The following ZNF667 variants were observed in gnomAD, a reference collection of about 807,000 sequenced individuals.
The protein encoded by ZNF667 is zinc finger protein 667, also known as myocardial ischemic preconditioning upregulated 1 ortholog.
A neutral mutation model predicts 31.8 loss-of-function variants in ZNF667; 13 were observed. The observed-to-expected ratio is 0.41, with a 90% CI of 0.27 to 0.65. ZNF667 has a LOEUF of 0.65. Ranked by LOEUF, ZNF667 falls within the 30% of genes least tolerant of loss-of-function variation. The probability of loss-of-function intolerance (pLI) is 0.32; values close to 1 mark genes in which losing one functional copy is unlikely to be tolerated. For synonymous variants in ZNF667, 228 were observed against 247.1 expected (o/e 0.92, Z 0.73); for missense variants, 642 against 725.6 (o/e 0.88, Z 1.32).
Position 56,460,820 on chromosome 19 carries a change from A to C in ZNF667, c.34-5T>G, listed in dbSNP as rs2043030581. 6.3e-7 allele frequency: 1 copy of C among 1,585,402 alleles called. No homozygotes were observed. Among genetic ancestry groups the C allele is most frequent in the African/African-American group, 1.4e-5 (1 of 73,562 alleles). On this transcript the variant is annotated splice_region_variant and splice_polypyrimidine_tract_variant and intron_variant, in intron 4 of 6. Coordinates refer to ENST00000504904, the MANE Select transcript of ZNF667 (RefSeq NM_001321356.2). ...GTCCCCAAATGTTATAGGTGCCTGA[A>C]ATGAAAAATCAAATGTCTATTCACC...
At chr19:56,455,647 G>T (rs952096615) in intron 6 of ZNF667, among the ~76,000 whole-genome samples, 1 of 152,078 alleles carries the variant, frequency 6.6e-6, no homozygotes, top group Non-Finnish European at 1.5e-5. Flanking sequence ...AAAAGGAGAT[G>T]GTTAGTGGGT....
intron 5 of ZNF667, among the ~76,000 whole-genome samples, chr19:56,459,833 A>C (rs532035261): frequency 1.3e-5 from 2 of 152,198 alleles, no homozygotes; most frequent in South Asian, 4.2e-4. Context: ...CTCTACTAAA[A>C]TACAAAAAAT....
At position 56,472,015 on chromosome 19, in the gene ZNF667, A is replaced by T. The variant is rs1268202230; in HGVS notation, c.-376T>A. 1 of 152,202 alleles carries T rather than the reference A, an allele frequency of 6.6e-6. No individual in the cohort carries two copies. Among genetic ancestry groups the T allele is most frequent in the African/African-American group, 2.4e-5 (1 of 41,428 alleles). 9.4% of individuals were successfully genotyped at this position (152,202 alleles called of 1,614,324 possible). ...CTCATGTGATCTGATGGTTCTGTAC[A>T]GGGACTCTCATTCTCCCTGTGGCCA... is the stretch of plus-strand genomic sequence containing the variant. On this transcript the variant is annotated 5_prime_UTR_variant, in exon 3 of 7. Transcript: ENST00000504904.
chr19:56,475,512 A>AT lies in ZNF667; in HGVS notation c.-661-1389dup, dbSNP rs948014478. 2.4e-4 allele frequency: 36 copies of AT among 150,690 alleles called. 1 individual carries two copies. The South Asian group carries it at 5.5e-3, about 23-fold the overall frequency. 9.3% of individuals were successfully genotyped at this position (150,690 alleles called of 1,614,324 possible). Reference sequence around the variant, plus strand: ...GGGACATCTGACAGTGTCTGGAGACATTTTTTTTTCGCTTGTCACAACCCA... The same window carrying AT: ...GGGACATCTGACAGTGTCTGGAGACATTTTTTTTTTCGCTTGTCACAACCCA... On this transcript the variant is annotated intron_variant, in intron 1 of 6. Coordinates refer to ENST00000504904, the MANE Select transcript of ZNF667 (RefSeq NM_001321356.2).
intron 6 of ZNF667, chr19:56,449,232 C>A: frequency 4.8e-6 from 2 of 416,394 alleles, no homozygotes; most frequent in South Asian, 3.6e-5. Flanking sequence ...AGAATAAATA[C>A]CTAATTCATC....
chr19:56,446,839 T>A (rs1050728240), intron 6 of ZNF667, among the ~76,000 whole-genome samples: 4 of 152,134 alleles, frequency 2.6e-5, no homozygotes, highest in Non-Finnish European at 5.9e-5. Context: ...TTAAGTCACA[T>A]CAGTTAAGCT....
chr19:56,472,324 C>T (rs961835901), intron 2 of ZNF667, 137 bp from the exon 3 acceptor site: 3 of 152,226 alleles, frequency 2.0e-5, no homozygotes, highest in Non-Finnish European at 2.9e-5. Context: ...ACCTACCTCA[C>T]CTCTGCTGTT....
chr19:56,467,192 TG>T, intron 3 of ZNF667: 1 of 356,782 alleles, frequency 2.8e-6, no homozygotes, highest in Non-Finnish European at 5.7e-6. Flanking sequence ...TGCCTGGGAA[TG>T]GGGTGGGGGG....
intron 5 of ZNF667, among the ~76,000 whole-genome samples, chr19:56,458,761 C>G (rs958275274): frequency 6.6e-6 from 1 of 152,194 alleles, no homozygotes; most frequent in African/African-American, 2.4e-5. Context: ...GGTGCATGCT[C>G]TGTGTCCCTC....
chr19:56,450,644 C>CA (rs936461900), intron 6 of ZNF667, among the ~76,000 whole-genome samples: 4 of 151,636 alleles, frequency 2.6e-5, no homozygotes, highest in African/African-American at 4.8e-5. Flanking sequence ...GACGGACTGA[C>CA]AAAAAAACGG....
At chr19:56,466,826 T>C (rs888020688) in intron 3 of ZNF667, among the ~76,000 whole-genome samples, 4 of 152,218 alleles carry the variant, frequency 2.6e-5, no homozygotes, top group East Asian at 1.9e-4. Flanking sequence ...TGGTCATTGA[T>C]AGCACAAACA....
At chr19:56,464,385 T>G (rs1474384054) in intron 3 of ZNF667, among the ~76,000 whole-genome samples, 1 of 152,046 alleles carries the variant, frequency 6.6e-6, no homozygotes, top group Non-Finnish European at 1.5e-5. Flanking sequence ...TCCTAGCTAC[T>G]TGGGAGGCTG....
intron 6 of ZNF667, among the ~76,000 whole-genome samples, chr19:56,457,693 A>G (rs1277287005): frequency 1.3e-5 from 2 of 152,172 alleles, no homozygotes; most frequent in Non-Finnish European, 2.9e-5. Flanking sequence ...GCACACAAAT[A>G]ATCTCTTAAA....
Position 56,442,271 on chromosome 19 carries a change from T to A in ZNF667, c.724A>T (p.Ile242Leu). ...KALSQCQSFNIHQKIHVVGNV... is the reference protein window; with the variant it reads ...KALSQCQSFNLHQKIHVVGNV... ...CCAACAACATGAATTTTCTGATGTATATTGAAAGACTGACATTGACTCAAG... is the reference window on the plus strand; with the variant it reads ...CCAACAACATGAATTTTCTGATGTAAATTGAAAGACTGACATTGACTCAAG... The change falls in exon 7 of 7, where the codon ATA becomes TTA. Residue 242 changes from isoleucine to leucine, a missense_variant. Transcript: ENST00000504904. The A allele has an allele frequency of 1.9e-6, 3 of 1,614,160 alleles. No homozygotes were observed. In the South Asian group the frequency reaches 3.3e-5, roughly 18 times the overall value.
chr19:56,451,729 C>T (rs1418762956), intron 6 of ZNF667, among the ~76,000 whole-genome samples: 2 of 151,670 alleles, frequency 1.3e-5, no homozygotes, highest in African/African-American at 2.4e-5. Context: ...ATTAGCCAGG[C>T]GTGGTGGCAC....
At chr19:56,453,297 A>G (rs908118033) in intron 6 of ZNF667, among the ~76,000 whole-genome samples, 3 of 152,170 alleles carry the variant, frequency 2.0e-5, no homozygotes, top group African/African-American at 7.2e-5. Flanking sequence ...AATACTTAAA[A>G]AAACCTAATA....
chr19:56,460,733 T>C lies in ZNF667; in HGVS notation c.116A>G (p.Tyr39Cys). ...GTAATTCTCCAACATGACATCTTCA[T>C]ACAAATCCTTCTGAATGGGGCTCAG... ...EWLSPIQKDL[Y>C]EDVMLENYRN... Residue 39 changes from tyrosine (Y) to cysteine (C), a missense_variant, in exon 5 of 7, where the codon TAT (tyrosine) becomes TGT (cysteine). Coordinates refer to ENST00000504904, the MANE Select transcript of ZNF667 (RefSeq NM_001321356.2). 6.2e-7 allele frequency: 1 copy of C among 1,612,552 alleles called. No individual in the cohort carries two copies. The highest frequency in any genetic ancestry group is 1.3e-5 in the African/African-American group (1 of 74,944).
At chr19:56,456,229 C>G (rs1366699190) in intron 6 of ZNF667, among the ~76,000 whole-genome samples, 1 of 152,154 alleles carries the variant, frequency 6.6e-6, no homozygotes, top group African/African-American at 2.4e-5. Context: ...AAATCAAACC[C>G]TGTTGCTATT....
chr19:56,474,727 T>C (rs1282337433), intron 1 of ZNF667: 1 of 152,256 alleles, frequency 6.6e-6, no homozygotes, highest in Non-Finnish European at 1.5e-5. Context: ...GTGCGTACAT[T>C]AGTCTCTTGG....
Sources: gnomAD v4.1 joint callset for allele counts (sites outside exome capture counted in the v4.1 genomes callset) on GRCh38, gnomAD v4.1.1 for gene constraint, MANE v1.5 for transcripts, NCBI Gene and HGNC (gene_info 2026-07-23, HGNC 2026-07-21) for gene names.